Variants in DGKG observed in about 807,000 individuals in gnomAD.
DGKG encodes diacylglycerol kinase gamma, also known as DAG kinase gamma.
DGKG carries 78 observed loss-of-function variants against 105.3 expected under a neutral mutation model. The observed-to-expected ratio is 0.74, with a 90% CI of 0.62 to 0.89. The LOEUF is 0.89. Among genes scored for constraint, DGKG ranks in the 40% least tolerant of loss-of-function variants. The probability of loss-of-function intolerance (pLI) is 0.00; values close to 1 mark genes in which losing one functional copy is unlikely to be tolerated. For missense variants in DGKG, 958 were observed against 1,020.1 expected (o/e 0.94, Z 0.83); for synonymous variants, 346 against 367.1 (o/e 0.94, Z 0.66).
At chr3:186,308,265 G>A (rs1009481306) in intron 2 of DGKG, among the ~76,000 whole-genome samples, 3 of 150,092 alleles carry the variant, frequency 2.0e-5, no homozygotes, top group African/African-American at 7.6e-5. Context: ...ATCCAGAAAA[G>A]AGACTCAATA....
In DGKG at chr3:186,172,547, G is replaced by A. The variant is rs73178183; in HGVS notation, c.2096-7529C>T. Among the ~76,000 whole-genome samples, 1,499 of 152,360 alleles carry A rather than the reference G, an allele frequency of 9.8e-3. 15 individuals are homozygous for A. Among genetic ancestry groups the A allele is most frequent in the Non-Finnish European group, 0.016 (1,119 of 68,038 alleles). ...TTACCTGGGTTACAGCAGCACTGGCGTGCTGAGATGTTAGGTGCTATTGTT... is the reference window on the plus strand; with the variant it reads ...TTACCTGGGTTACAGCAGCACTGGCATGCTGAGATGTTAGGTGCTATTGTT... On this transcript the variant is annotated intron_variant, in intron 22 of 24. Transcript: ENST00000265022.
At chr3:186,230,532 T>C (rs1345215718) in intron 20 of DGKG, among the ~76,000 whole-genome samples, 2 of 151,908 alleles carry the variant, frequency 1.3e-5, no homozygotes, top group South Asian at 2.1e-4. Flanking sequence ...GAGAATGTTA[T>C]AAAGGGCGCT....
chr3:186,347,522 A>G (rs1159943767), intron 1 of DGKG, among the ~76,000 whole-genome samples: 1 of 149,708 alleles, frequency 6.7e-6, no homozygotes, highest in African/African-American at 2.4e-5. Context: ...CCTGGCTTCT[A>G]TCATCTTATT....
At chr3:186,236,173 A>G (rs1175950044) in intron 20 of DGKG, among the ~76,000 whole-genome samples, 1 of 152,176 alleles carries the variant, frequency 6.6e-6, no homozygotes. Flanking sequence ...CACCCCCAGG[A>G]GAAGGATTTG....
At chr3:186,331,657 G>A (rs745410005) in intron 1 of DGKG, among the ~76,000 whole-genome samples, 5 of 152,172 alleles carry the variant, frequency 3.3e-5, no homozygotes, top group African/African-American at 4.8e-5. Context: ...AAGCTTTTGG[G>A]CTCCAAGGAG....
intron 21 of DGKG, among the ~76,000 whole-genome samples, chr3:186,190,916 C>T (rs1287670111): frequency 6.6e-6 from 1 of 152,218 alleles, no homozygotes; most frequent in East Asian, 1.9e-4. Context: ...TGGGGTATGG[C>T]TGCTCTATCG....
chr3:186,357,374 A>C (rs1421109677), intron 1 of DGKG, among the ~76,000 whole-genome samples: 1 of 152,184 alleles, frequency 6.6e-6, no homozygotes, highest in African/African-American at 2.4e-5. Flanking sequence ...TCCACATCAC[A>C]ACACACAGCA....
intron 20 of DGKG, among the ~76,000 whole-genome samples, chr3:186,234,860 G>T (rs1720337709): frequency 6.6e-6 from 1 of 152,128 alleles, no homozygotes; most frequent in Admixed American, 6.5e-5. Context: ...GTTAGGGCAG[G>T]GAGAACTGCA....
intron 22 of DGKG, among the ~76,000 whole-genome samples, chr3:186,179,563 GC>G (rs1044179472): frequency 5.3e-5 from 8 of 152,214 alleles, no homozygotes; most frequent in African/African-American, 1.9e-4. Context: ...TTCCTAGGCA[GC>G]CTGTGATTCT....
intron 3 of DGKG, among the ~76,000 whole-genome samples, chr3:186,298,578 A>T (rs112768251): frequency 2.6e-4 from 39 of 152,344 alleles, no homozygotes; most frequent in African/African-American, 9.1e-4. Flanking sequence ...GCCAAAGTGC[A>T]GGGCTCTGCC....
chr3:186,328,841 A>G (rs1725470279), intron 1 of DGKG, among the ~76,000 whole-genome samples: 1 of 152,152 alleles, frequency 6.6e-6, no homozygotes, highest in Non-Finnish European at 1.5e-5. Flanking sequence ...AGCCTCCCAC[A>G]GTGCTGAGAT....
intron 6 of DGKG, among the ~76,000 whole-genome samples, chr3:186,288,393 G>A (rs1723165830): frequency 1.3e-5 from 2 of 152,156 alleles, no homozygotes; most frequent in Admixed American, 1.3e-4. Context: ...CTGAGTAAAG[G>A]CTTTCAGGAA....
intron 20 of DGKG, among the ~76,000 whole-genome samples, chr3:186,217,573 C>T (rs1450311445): frequency 1.3e-5 from 2 of 152,180 alleles, no homozygotes; most frequent in Non-Finnish European, 2.9e-5. Flanking sequence ...TGAATCTTTT[C>T]ATTAGACAGA....
chr3:186,297,062 T>TCACACA lies in DGKG; in HGVS notation c.373+358_373+359insTGTGTG, dbSNP rs1491170428. Reference sequence around the variant, plus strand: ...CCACCTCTCTCTGTCTGTCTGTCTGTCTCTCTCACACACACACACACACAC... The same window carrying TCACACA: ...CCACCTCTCTCTGTCTGTCTGTCTGTCACACACTCTCTCACACACACACACACACAC... On this transcript the variant is annotated intron_variant, in intron 5 of 24. Coordinates refer to ENST00000265022, the MANE Select transcript of DGKG (RefSeq NM_001346.3). Among the ~76,000 whole-genome samples, 91 of 26,798 alleles carry TCACACA rather than the reference T, an allele frequency of 3.4e-3. 1 individual carries two copies. The highest frequency in any genetic ancestry group is 6.6e-3 in the African/African-American group (84 of 12,804). 17.6% of individuals were successfully genotyped at this position (26,798 alleles called of 152,430 possible). A position where few individuals can be genotyped will look rare whatever the true frequency, so the allele number is the denominator to read the frequency against.
intron 20 of DGKG, among the ~76,000 whole-genome samples, chr3:186,213,280 C>G (rs894867503): frequency 2.0e-5 from 3 of 152,228 alleles, no homozygotes; most frequent in Non-Finnish European, 4.4e-5. Flanking sequence ...GTGGCACAGG[C>G]GTACCTGGGA....
intron 21 of DGKG, chr3:186,207,448 C>T (rs1314915297): frequency 1.0e-6 from 1 of 985,288 alleles, no homozygotes; most frequent in East Asian, 1.1e-4. Context: ...TGTCCCCCTT[C>T]TCTGGAAAGG....
At chr3:186,221,963 CT>C (rs1280399635) in intron 20 of DGKG, among the ~76,000 whole-genome samples, 1 of 152,204 alleles carries the variant, frequency 6.6e-6, no homozygotes, top group Non-Finnish European at 1.5e-5. Context: ...GACCGTGGGT[CT>C]GACCTGCACT....
At chr3:186,337,854 G>T (rs1216075148) in intron 1 of DGKG, among the ~76,000 whole-genome samples, 3 of 152,056 alleles carry the variant, frequency 2.0e-5, no homozygotes, top group Non-Finnish European at 4.4e-5. Flanking sequence ...AATAGAAAAA[G>T]ATCTTTTTCA....
chr3:186,342,245 A>G (rs1726125623), intron 1 of DGKG, among the ~76,000 whole-genome samples: 1 of 152,206 alleles, frequency 6.6e-6, no homozygotes, highest in Non-Finnish European at 1.5e-5. Context: ...GAAATTCACG[A>G]CCCTAAGGAT....
Sources: gnomAD v4.1 joint callset for allele counts (sites outside exome capture counted in the v4.1 genomes callset) on GRCh38, gnomAD v4.1.1 for gene constraint, MANE v1.5 for transcripts, NCBI Gene and HGNC (gene_info 2026-07-23, HGNC 2026-07-21) for gene names.